TLN2: variants seen among roughly 807,000 people sequenced by gnomAD.
The protein encoded by TLN2 is talin-2.
TLN2 carries 118 observed loss-of-function variants against 294.7 expected under a neutral mutation model. The ratio of observed to expected loss-of-function variants is 0.40; its 90% CI spans 0.34 to 0.47. The LOEUF (loss-of-function observed/expected upper bound fraction) is 0.47, where lower values mean the gene tolerates loss of function less well. Among genes scored for constraint, TLN2 ranks in the 20% least tolerant of loss-of-function variants. The probability of loss-of-function intolerance (pLI) is 0.84; values close to 1 mark genes in which losing one functional copy is unlikely to be tolerated. For synonymous variants in TLN2, 1,431 were observed against 1,304.5 expected (o/e 1.10, Z -2.09); for missense variants, 3,083 against 3,282.2 (o/e 0.94, Z 1.48).
intron 28 of TLN2, among the ~76,000 whole-genome samples, chr15:62,727,711 C>T (rs1346286740): frequency 6.6e-6 from 1 of 152,188 alleles, no homozygotes; most frequent in Non-Finnish European, 1.5e-5. Flanking sequence ...CTATAAGGAA[C>T]AGATTGCACA....
At chr15:62,764,777 G>A (rs1316200335) in intron 40 of TLN2, among the ~76,000 whole-genome samples, 1 of 151,914 alleles carries the variant, frequency 6.6e-6, no homozygotes, top group Non-Finnish European at 1.5e-5. Flanking sequence ...GACCAGCCTG[G>A]CCAACATGGT....
rs61578830 is a variant in TLN2, at chr15:62,562,906, T to TCACACACACA, written c.-237-26725_-237-26716dup. The stretch of plus-strand genomic sequence containing the variant: ...CTTTTTATGGCTGAGTAGTATTCCA[T>TCACACACACA]CACACACACACACACACACACACAC... On this transcript the variant is annotated intron_variant, in intron 1 of 58. Transcript: ENST00000636159. Among the ~76,000 whole-genome samples, 360 of 99,312 alleles carry TCACACACACA rather than the reference T, an allele frequency of 3.6e-3. 6 individuals are homozygous for TCACACACACA. The highest frequency in any genetic ancestry group is 4.5e-3 in the Non-Finnish European group (221 of 49,286). The allele number at this position is 99,312 out of a possible 152,430, so 65.2% of individuals were successfully genotyped here.
Position 62,797,387 on chromosome 15 carries a change from C to G in TLN2, c.6219C>G (p.Asp2073Glu), listed in dbSNP as rs752610440. ...TGGGGGCAGCCAGCCTGGGCTCCGA[C>G]GACCCCGAGACCCAGGTACCAGCAG... ...VKLGAASLGS[D>E]DPETQVVLIN... The change falls in exon 48 of 59, where the codon GAC becomes GAG. Residue 2073 changes from aspartate to glutamate, a missense_variant. By Grantham distance (45) the Asp-to-Glu change is conservative. Coordinates refer to ENST00000636159, the MANE Select transcript of TLN2 (RefSeq NM_015059.3). 5 of 1,603,784 alleles carry G rather than the reference C, an allele frequency of 3.1e-6. No individual in the cohort carries two copies. The highest frequency in any genetic ancestry group is 4.3e-6 in the Non-Finnish European group (5 of 1,176,050).
In TLN2 at chr15:62,791,362, GAAGA is replaced by G. The variant is rs961928185; in HGVS notation, c.5737-1275_5737-1272del. Among the ~76,000 whole-genome samples, 5 of 152,044 alleles carry G rather than the reference GAAGA, an allele frequency of 3.3e-5. No individual in the cohort carries two copies. In the East Asian group the frequency reaches 9.6e-4, roughly 29 times the overall value. The stretch of plus-strand genomic sequence containing the variant: ...GAACAAGACTCTATCTCAAAAAAAA[GAAGA>G]AAGTGTGTAGAAGACACCTAAAGAG... On this transcript the variant is annotated intron_variant, in intron 45 of 58. Coordinates refer to ENST00000636159, the MANE Select transcript of TLN2 (RefSeq NM_015059.3).
At chr15:62,690,819 C>T (rs1399958857) in intron 12 of TLN2, among the ~76,000 whole-genome samples, 5 of 151,310 alleles carry the variant, frequency 3.3e-5, no homozygotes, top group East Asian at 1.9e-4. Flanking sequence ...GAGACCAGCC[C>T]GGCCAACACA....
intron 22 of TLN2, among the ~76,000 whole-genome samples, chr15:62,715,031 T>C (rs538233402): frequency 6.6e-6 from 1 of 152,284 alleles, no homozygotes; most frequent in South Asian, 2.1e-4. Context: ...TGCAAAAGAA[T>C]CCAAAAGTAG....
At chr15:62,768,116 C>T (rs575962788) in intron 41 of TLN2, among the ~76,000 whole-genome samples, 2 of 152,256 alleles carry the variant, frequency 1.3e-5, no homozygotes, top group African/African-American at 4.8e-5. Flanking sequence ...TTGCAGTGCT[C>T]GTGTGGGGCC....
intron 2 of TLN2, among the ~76,000 whole-genome samples, chr15:62,609,964 A>G (rs1272106526): frequency 1.3e-5 from 2 of 152,214 alleles, no homozygotes; most frequent in Non-Finnish European, 2.9e-5. Context: ...CTTTCAAACT[A>G]TGTGCTTTCA....
chr15:62,395,989 C>T (rs1247658815), intron 1 of TLN2, among the ~76,000 whole-genome samples: 1 of 152,130 alleles, frequency 6.6e-6, no homozygotes, highest in Non-Finnish European at 1.5e-5. Flanking sequence ...GCACCCGCCA[C>T]CACACCTGGC....
chr15:62,650,451 A>G (rs1057171441), intron 5 of TLN2, among the ~76,000 whole-genome samples: 1 of 152,230 alleles, frequency 6.6e-6, no homozygotes, highest in Non-Finnish European at 1.5e-5. Context: ...GATAAGATAC[A>G]GCATCTTACT....
At chr15:62,704,692 C>A (rs371995266) in intron 19 of TLN2, among the ~76,000 whole-genome samples, 1 of 151,896 alleles carries the variant, frequency 6.6e-6, no homozygotes, top group Non-Finnish European at 1.5e-5. Context: ...GCCATTTCTA[C>A]ACTGAGATGG....
intron 3 of TLN2, among the ~76,000 whole-genome samples, chr15:62,639,529 G>A (rs1294982712): frequency 1.3e-5 from 2 of 152,304 alleles, no homozygotes; most frequent in Middle Eastern, 3.4e-3. Flanking sequence ...GCCTCCATAA[G>A]GGAGAACTGA....
At chr15:62,823,280 A>G (rs1355749382) in intron 54 of TLN2, among the ~76,000 whole-genome samples, 1 of 152,214 alleles carries the variant, frequency 6.6e-6, no homozygotes, top group African/African-American at 2.4e-5. Context: ...TTTGTGCCTA[A>G]TAGGGCACAT....
intron 41 of TLN2, among the ~76,000 whole-genome samples, chr15:62,767,794 G>A (rs578000424): frequency 9.3e-4 from 141 of 152,284 alleles, no homozygotes; most frequent in African/African-American, 3.2e-3. Flanking sequence ...GAGAGAAGCT[G>A]GACATTTTTT....
chr15:62,629,358 G>C (rs1376789173), intron 3 of TLN2, among the ~76,000 whole-genome samples: 1 of 152,152 alleles, frequency 6.6e-6, no homozygotes, highest in East Asian at 1.9e-4. Flanking sequence ...ATTTCTCTGT[G>C]AGATAGTGCT....
intron 1 of TLN2, among the ~76,000 whole-genome samples, chr15:62,425,635 C>G (rs936570503): frequency 2.0e-5 from 3 of 152,140 alleles, no homozygotes; most frequent in Admixed American, 2.0e-4. Context: ...GTGTTTGTCT[C>G]TTGTACTGTC....
chr15:62,485,038 G>T (rs1321407605), intron 1 of TLN2, among the ~76,000 whole-genome samples: 1 of 152,062 alleles, frequency 6.6e-6, no homozygotes, highest in Non-Finnish European at 1.5e-5. Flanking sequence ...GCATCACTCA[G>T]CTGGGGATAC....
intron 1 of TLN2, among the ~76,000 whole-genome samples, chr15:62,445,189 A>C (rs2035752385): frequency 2.6e-5 from 4 of 152,188 alleles, no homozygotes; most frequent in Admixed American, 2.6e-4. Context: ...GGTGTGACCC[A>C]GCTGACTCCA....
At chr15:62,510,905 G>A (rs1354462254) in intron 1 of TLN2, among the ~76,000 whole-genome samples, 4 of 152,248 alleles carry the variant, frequency 2.6e-5, no homozygotes, top group African/African-American at 9.6e-5. Context: ...GAAAAGAATT[G>A]TATCTGGAAT....
Sources: allele counts gnomAD v4.1 joint callset (sites outside exome capture counted in the v4.1 genomes callset), GRCh38; gene constraint gnomAD v4.1.1; transcripts MANE v1.5; gene names NCBI Gene and HGNC (gene_info 2026-07-23, HGNC 2026-07-21).